FHL2: variants seen among roughly 807,000 people sequenced by gnomAD.
The protein encoded by FHL2 is four and a half LIM domains protein 2.
In FHL2, 20 loss-of-function variants were observed where a neutral mutation model predicts 32.7. The observed-to-expected ratio is 0.61, with a 90% CI of 0.43 to 0.89. FHL2 has a LOEUF of 0.89. Among genes scored for constraint, FHL2 ranks in the 40% least tolerant of loss-of-function variants. The pLI, the probability that FHL2 is intolerant of heterozygous loss-of-function variation, is 0.00. For synonymous variants in FHL2, 123 were observed against 128.1 expected, an observed-to-expected ratio of 0.96 and a Z score of 0.27; for missense variants, 311 against 358.6, an observed-to-expected ratio of 0.87 and a Z score of 1.07.
rs531769117 is a variant in FHL2 at position 105,371,417 on chromosome 2, G to T, written c.331+2142C>A. Among the ~76,000 whole-genome samples the T allele has an allele frequency of 2.0e-5, 3 of 152,036 alleles. No individual in the cohort carries two copies. In the South Asian group the frequency reaches 6.2e-4, roughly 32 times the overall value. On this transcript the variant is annotated intron_variant, in intron 4 of 6. Transcript: ENST00000530340. ...ACCCTGCCTGAGTTTCCAGCCTGCCGCCCTACGGAATTCAAATGCTCCCAT... is the reference window on the plus strand; with the variant it reads ...ACCCTGCCTGAGTTTCCAGCCTGCCTCCCTACGGAATTCAAATGCTCCCAT...
intron 1 of FHL2, among the ~76,000 whole-genome samples, chr2:105,429,585 C>T (rs1055427322): frequency 6.6e-6 from 1 of 152,236 alleles, no homozygotes; most frequent in African/African-American, 2.4e-5. Context: ...TCTCTAGAGC[C>T]TCCAGAATGC....
At chr2:105,363,021 A>G (rs1486499072) in intron 6 of FHL2, 1 of 433,114 alleles carries the variant, frequency 2.3e-6, no homozygotes, top group African/African-American at 2.0e-5. Flanking sequence ...AGTTTTAGCG[A>G]TAATCCAACC....
At chr2:105,422,377 T>C (rs1250360360) in intron 1 of FHL2, among the ~76,000 whole-genome samples, 1 of 152,182 alleles carries the variant, frequency 6.6e-6, no homozygotes, top group Non-Finnish European at 1.5e-5. Flanking sequence ...CCTATGTGGA[T>C]GGATCCTTGG....
intron 5 of FHL2, among the ~76,000 whole-genome samples, chr2:105,364,566 C>CTT (rs1680501803): frequency 6.6e-6 from 1 of 152,194 alleles, no homozygotes; most frequent in Non-Finnish European, 1.5e-5. Flanking sequence ...CCAAATGTTG[C>CTT]ATCTCACATT....
intron 4 of FHL2, among the ~76,000 whole-genome samples, chr2:105,370,609 T>G (rs916815460): frequency 5.9e-5 from 9 of 152,244 alleles, no homozygotes; most frequent in African/African-American, 2.2e-4. Context: ...AGTTTTTCAC[T>G]TGTCCTCTAA....
In FHL2 at chr2:105,361,270, C is replaced by T. The variant is rs199691250; in HGVS notation, c.*13G>A. 7.5e-6 allele frequency: 12 copies of T among 1,606,046 alleles called. No individual in the cohort carries two copies. Among genetic ancestry groups the T allele is most frequent in the Non-Finnish European group, 1.7e-6 (2 of 1,175,718 alleles). ...TGTGTGAGATCACAAGCAGCAACTT[C>T]TCTGTGTTGAATTCAGATGTCTTTC... is the stretch of plus-strand genomic sequence containing the variant. On this transcript the variant is annotated 3_prime_UTR_variant, in exon 7 of 7. Transcript: ENST00000530340.
chr2:105,417,545 G>A (rs1184576673), intron 1 of FHL2, among the ~76,000 whole-genome samples: 1 of 151,434 alleles, frequency 6.6e-6, no homozygotes, highest in Non-Finnish European at 1.5e-5. Context: ...TTAGCCAGGT[G>A]TGGCAGCGTG....
chr2:105,391,252 C>G (rs1488550367), intron 2 of FHL2, among the ~76,000 whole-genome samples: 1 of 152,114 alleles, frequency 6.6e-6, no homozygotes, highest in Non-Finnish European at 1.5e-5. Context: ...ATGCAGGCCC[C>G]TCCCCTCAAG....
chr2:105,400,923 G>T (rs1437617843), upstream of FHL2, among the ~76,000 whole-genome samples: 4 of 151,732 alleles, frequency 2.6e-5, no homozygotes, highest in Non-Finnish European at 5.9e-5. Flanking sequence ...ATTCGATAGG[G>T]TCAGTAAAAT....
chr2:105,395,505 G>A (rs182864037), intron 2 of FHL2, among the ~76,000 whole-genome samples: 3 of 152,278 alleles, frequency 2.0e-5, no homozygotes, highest in Non-Finnish European at 4.4e-5. Context: ...TTGGCATCCA[G>A]CAGCTTCCAT....
rs1163554893 is a variant in FHL2, at chr2:105,369,869, AG to A, written c.332-2131del. ...CCAGTTCGAGGGCAACTCTACGTGC[AG>A]GGAATGCACAGGGCACCTGGAGCCT... On this transcript the variant is annotated intron_variant, in intron 4 of 6. Coordinates refer to ENST00000530340, the MANE Select transcript of FHL2 (RefSeq NM_001318895.3). Among the ~76,000 whole-genome samples the A allele has an allele frequency of 1.1e-4, 16 of 152,318 alleles. 1 individual carries two copies. The highest frequency in any genetic ancestry group is 3.8e-4 in the African/African-American group (16 of 41,580).
chr2:105,395,408 T>C (rs1026796936), intron 2 of FHL2, among the ~76,000 whole-genome samples: 1 of 152,198 alleles, frequency 6.6e-6, no homozygotes, highest in Non-Finnish European at 1.5e-5. Flanking sequence ...GGCAGGGGTC[T>C]CCTCTCACCT....
intron 1 of FHL2, among the ~76,000 whole-genome samples, chr2:105,405,293 A>G (rs1683592573): frequency 6.6e-6 from 1 of 152,204 alleles, no homozygotes; most frequent in Non-Finnish European, 1.5e-5. Context: ...AGTCTGTGCA[A>G]ACCTGGCAAA....
chr2:105,364,817 A>G (rs1044625124), intron 5 of FHL2, among the ~76,000 whole-genome samples: 1 of 152,164 alleles, frequency 6.6e-6, no homozygotes, highest in Admixed American at 6.5e-5. Context: ...TGAGACTCAG[A>G]GAAATTAAAA....
chr2:105,375,455 T>C (rs1681404756), intron 3 of FHL2: 1 of 152,206 alleles, frequency 6.6e-6, no homozygotes, highest in South Asian at 2.1e-4. Context: ...CTGGCCAACA[T>C]GGCGAAACCC....
chr2:105,391,432 C>A (rs1682726452), intron 2 of FHL2, among the ~76,000 whole-genome samples: 2 of 152,050 alleles, frequency 1.3e-5, no homozygotes, highest in Non-Finnish European at 2.9e-5. Flanking sequence ...ACAGGTCAGC[C>A]AGGTGATATG....
intron 3 of FHL2, among the ~76,000 whole-genome samples, chr2:105,379,981 A>G (rs1349779368): frequency 2.0e-5 from 3 of 152,186 alleles, no homozygotes; most frequent in East Asian, 1.9e-4. Flanking sequence ...CACTCTCTGA[A>G]TGGGGCGCCC....
chr2:105,422,203 T>C (rs1684125112), intron 1 of FHL2, among the ~76,000 whole-genome samples: 1 of 152,250 alleles, frequency 6.6e-6, no homozygotes. Context: ...CTTATGTTTG[T>C]AACTTGTTTG....
At chr2:105,370,264 A>T (rs1680951987) in intron 4 of FHL2, among the ~76,000 whole-genome samples, 1 of 151,996 alleles carries the variant, frequency 6.6e-6, no homozygotes, top group South Asian at 2.1e-4. Flanking sequence ...GGTCCTAGAC[A>T]CGTAGGAGGC....
Sources: gnomAD v4.1 joint callset for allele counts (sites outside exome capture counted in the v4.1 genomes callset) on GRCh38, gnomAD v4.1.1 for gene constraint, MANE v1.5 for transcripts, NCBI Gene and HGNC (gene_info 2026-07-23, HGNC 2026-07-21) for gene names.